ANXA5: variants seen among roughly 807,000 people sequenced by gnomAD.
The protein encoded by ANXA5 is annexin A5.
A neutral mutation model predicts 48.1 loss-of-function variants in ANXA5; 40 were observed. The ratio of observed to expected loss-of-function variants is 0.83; its 90% CI spans 0.65 to 1.08. The LOEUF is 1.08. Among genes scored for constraint, ANXA5 ranks in the 50% least tolerant of loss-of-function variants. The pLI, the probability that ANXA5 is intolerant of heterozygous loss-of-function variation, is 0.00. For synonymous variants in ANXA5, 113 were observed against 129.1 expected, an observed-to-expected ratio of 0.88 and a Z score of 0.85; for missense variants, 357 against 376.8, an observed-to-expected ratio of 0.95 and a Z score of 0.44.
intron 7 of ANXA5, 90 bp downstream of exon 7, chr4:121,678,325 A>G (rs2110482768): frequency 9.6e-7 from 1 of 1,042,116 alleles, no homozygotes; most frequent in South Asian, 1.5e-5. Flanking sequence ...CAAATTATTA[A>G]AAGAATTTTA....
At chr4:121,692,595 G>A (rs1185667071) in intron 2 of ANXA5, among the ~76,000 whole-genome samples, 1 of 152,164 alleles carries the variant, frequency 6.6e-6, no homozygotes. Flanking sequence ...CCACCTCACT[G>A]CAGTTTCACT....
chr4:121,679,426 CT>C (rs1724753601), intron 6 of ANXA5, among the ~76,000 whole-genome samples: 1 of 152,288 alleles, frequency 6.6e-6, no homozygotes, highest in South Asian at 2.1e-4. Flanking sequence ...CAATTAGCCT[CT>C]CAATTCAAAT....
chr4:121,686,832 T>C (rs1724899319), intron 2 of ANXA5, among the ~76,000 whole-genome samples: 2 of 152,314 alleles, frequency 1.3e-5, no homozygotes, highest in East Asian at 1.9e-4. Flanking sequence ...TTAGGGACTT[T>C]ACGATAACCC....
chr4:121,685,819 G>A (rs527684037), intron 3 of ANXA5, among the ~76,000 whole-genome samples: 23 of 152,210 alleles, frequency 1.5e-4, no homozygotes, highest in South Asian at 6.2e-4. Flanking sequence ...TTATCGACTC[G>A]GGCCTCTACC....
intron 9 of ANXA5, 56 bp downstream of exon 9, chr4:121,672,477 C>T: frequency 8.2e-7 from 1 of 1,224,650 alleles, no homozygotes; most frequent in Non-Finnish European, 1.2e-6. Context: ...CACACTGGCT[C>T]ATGCACTTTC....
At chr4:121,675,045 C>A (rs1298639895) in intron 8 of ANXA5, among the ~76,000 whole-genome samples, 1 of 152,150 alleles carries the variant, frequency 6.6e-6, no homozygotes, top group Non-Finnish European at 1.5e-5. Flanking sequence ...TAGCAAATGC[C>A]CAGTAAAAGT....
rs1057005421 is a variant in ANXA5 at position 121,676,339 on chromosome 4, C to G, written c.531+1555G>C. ...ATACTCAAGAACACTGAATATCTTA[C>G]AGTGAAATATTCTTATAGTGAAATA... On this transcript the variant is annotated intron_variant, in intron 8 of 12. Transcript: ENST00000296511. 3.9e-5 allele frequency among the ~76,000 whole-genome samples: 6 copies of G among 152,144 alleles called. No individual in the cohort carries two copies. The East Asian group carries it at 1.2e-3, about 29-fold the overall frequency.
intron 2 of ANXA5, among the ~76,000 whole-genome samples, chr4:121,688,018 A>G (rs1056381913): frequency 2.0e-5 from 3 of 152,220 alleles, no homozygotes; most frequent in African/African-American, 7.2e-5. Context: ...AATAGGAGGT[A>G]GAGCCTTTGC....
At chr4:121,676,782 G>C (rs1424168199) in intron 8 of ANXA5, among the ~76,000 whole-genome samples, 2 of 152,024 alleles carry the variant, frequency 1.3e-5, no homozygotes, top group Admixed American at 1.3e-4. Flanking sequence ...GGTGGGAGGG[G>C]CAAGAGGGCA....
At chr4:121,687,712 T>C (rs182272685) in intron 2 of ANXA5, among the ~76,000 whole-genome samples, 7 of 152,328 alleles carry the variant, frequency 4.6e-5, no homozygotes, top group African/African-American at 7.2e-5. Context: ...GTCAGTTCAG[T>C]GGCCTTCTCT....
chr4:121,673,346 G>A (rs1023029761), intron 8 of ANXA5, among the ~76,000 whole-genome samples: 1 of 152,116 alleles, frequency 6.6e-6, no homozygotes, highest in Non-Finnish European at 1.5e-5. Flanking sequence ...ACTTATTGAC[G>A]TGAGAATAAT....
intron 2 of ANXA5, among the ~76,000 whole-genome samples, chr4:121,695,786 G>C (rs1399752726): frequency 6.6e-6 from 1 of 151,936 alleles, no homozygotes; most frequent in Non-Finnish European, 1.5e-5. Flanking sequence ...TGTAATCCCA[G>C]CTACTTGGAA....
At chr4:121,675,117 G>A (rs1186770980) in intron 8 of ANXA5, among the ~76,000 whole-genome samples, 1 of 152,142 alleles carries the variant, frequency 6.6e-6, no homozygotes, top group Non-Finnish European at 1.5e-5. Flanking sequence ...TCTCCCTCCA[G>A]AGAAAGAATA....
At chr4:121,683,711 G>GTT (rs1033623091) in intron 4 of ANXA5, among the ~76,000 whole-genome samples, 2 of 151,890 alleles carry the variant, frequency 1.3e-5, no homozygotes, top group African/African-American at 4.8e-5. Flanking sequence ...TCTAAAAGAT[G>GTT]TTTTTCTTAA....
rs1724823803 is a variant in ANXA5 at position 121,683,339 on chromosome 4, T to G, written c.303+25A>C. 3 of 1,407,364 alleles carry G rather than the reference T, an allele frequency of 2.1e-6. No individual in the cohort carries two copies. In the African/African-American group the frequency reaches 4.3e-5, roughly 20 times the overall value. The allele number at this position is 1,407,364 out of a possible 1,614,324, so 87.2% of individuals were successfully genotyped here. On this transcript the variant is annotated intron_variant, in intron 5 of 12. Transcript: ENST00000296511. ...CAAAATAATACTATCTATGCAAGAA[T>G]GTTCCTTTCACTCATCCTTTTTACC...
In ANXA5 at chr4:121,668,283, A is replaced by G. The variant is rs893424895; in HGVS notation, c.*185T>C. On this transcript the variant is annotated 3_prime_UTR_variant, in exon 13 of 13. Coordinates refer to ENST00000296511, the MANE Select transcript of ANXA5 (RefSeq NM_001154.4). Reference sequence around the variant, plus strand: ...CTTTAGTACTACAGCAGTCAAAGAGATCTCCACTAGAGATCAGAAAGAAGC... The same window carrying G: ...CTTTAGTACTACAGCAGTCAAAGAGGTCTCCACTAGAGATCAGAAAGAAGC... 2 of 561,650 alleles carry G rather than the reference A, an allele frequency of 3.6e-6. No homozygotes were observed. The highest frequency in any genetic ancestry group is 6.4e-6 in the Non-Finnish European group (2 of 313,800). The allele number at this position is 561,650 out of a possible 1,614,324, so 34.8% of individuals were successfully genotyped here.
chr4:121,683,686 G>A (rs906377401), intron 4 of ANXA5, among the ~76,000 whole-genome samples: 4 of 151,138 alleles, frequency 2.6e-5, no homozygotes, highest in South Asian at 2.1e-4. Flanking sequence ...CCACTTATAC[G>A]TCAAGATATT....
Position 121,696,864 on chromosome 4 carries a change from C to T in ANXA5, c.-37G>A. 3.0e-6 allele frequency: 1 copy of T among 336,884 alleles called. No homozygotes were observed. Among genetic ancestry groups the T allele is most frequent in the Non-Finnish European group, 5.4e-6 (1 of 186,602 alleles). 20.9% of individuals were successfully genotyped at this position (336,884 alleles called of 1,614,324 possible). Reference sequence around the variant, plus strand: ...CCTCCCCGGGCTGCGACCACTCACCCAGACTGTGGGACCCAAGTGCCCCGA... The same window carrying T: ...CCTCCCCGGGCTGCGACCACTCACCTAGACTGTGGGACCCAAGTGCCCCGA... On this transcript the variant is annotated splice_region_variant and 5_prime_UTR_variant, in exon 1 of 13. Transcript: ENST00000296511.
chr4:121,679,407 A>G (rs114438916), intron 6 of ANXA5, among the ~76,000 whole-genome samples: 2,226 of 152,232 alleles, frequency 0.015, 50 homozygotes, highest in African/African-American at 0.051. Flanking sequence ...TCCCACACAC[A>G]TAACTATCCA....
Sources: gnomAD v4.1 joint callset for allele counts (sites outside exome capture counted in the v4.1 genomes callset) on GRCh38, gnomAD v4.1.1 for gene constraint, MANE v1.5 for transcripts, NCBI Gene and HGNC (gene_info 2026-07-23, HGNC 2026-07-21) for gene names.